Variants in GAB1 observed in about 807,000 individuals in gnomAD.
GAB1 encodes GRB2-associated-binding protein 1.
In GAB1, 19 loss-of-function variants were observed where a neutral mutation model predicts 66.5. The ratio of observed to expected loss-of-function variants is 0.29; its 90% CI spans 0.20 to 0.42. GAB1 has a LOEUF of 0.42. Among genes scored for constraint, GAB1 ranks in the 10% least tolerant of loss-of-function variants. The pLI is 1.00. For missense variants in GAB1, 732 were observed against 858.5 expected, an observed-to-expected ratio of 0.85 and a Z score of 1.84; for synonymous variants, 294 against 301.4, an observed-to-expected ratio of 0.98 and a Z score of 0.25.
chr4:143,352,832 G>A (rs1018791499), intron 1 of GAB1, among the ~76,000 whole-genome samples: 3 of 152,214 alleles, frequency 2.0e-5, no homozygotes, highest in Non-Finnish European at 4.4e-5. Context: ...CCTCTCTTCT[G>A]TGAGATGAAG....
At chr4:143,346,860 CT>C (rs561657352) in intron 1 of GAB1, among the ~76,000 whole-genome samples, 72 of 152,308 alleles carry the variant, frequency 4.7e-4, no homozygotes, top group African/African-American at 1.5e-3. Flanking sequence ...TCTGAGTAAT[CT>C]TTGCTGGGTA....
In GAB1 at chr4:143,342,016, C is replaced by T. The variant is rs192950014; in HGVS notation, c.72+4756C>T. Among the ~76,000 whole-genome samples, 4 of 152,352 alleles carry T rather than the reference C, an allele frequency of 2.6e-5. No homozygotes were observed. The East Asian group carries it at 7.7e-4, about 29-fold the overall frequency. On this transcript the variant is annotated intron_variant, in intron 1 of 9. Transcript: ENST00000262994. The stretch of plus-strand genomic sequence containing the variant: ...GAAGGAAATTTTTTCTTGCCATCCT[C>T]ATGTTAGTAAACATAATTCAGACTC...
intron 1 of GAB1, among the ~76,000 whole-genome samples, chr4:143,376,195 A>G (rs926730494): frequency 8.5e-5 from 13 of 152,200 alleles, no homozygotes; most frequent in African/African-American, 3.1e-4. Flanking sequence ...AATATAAAAA[A>G]GAAAAAAATA....
chr4:143,360,928 G>A (rs1186576105), intron 1 of GAB1, among the ~76,000 whole-genome samples: 2 of 152,146 alleles, frequency 1.3e-5, no homozygotes, highest in African/African-American at 4.8e-5. Flanking sequence ...AAAACAAAGT[G>A]TGAGTGCTTA....
At chr4:143,418,342 T>C (rs970086767) in intron 2 of GAB1, among the ~76,000 whole-genome samples, 1 of 152,200 alleles carries the variant, frequency 6.6e-6, no homozygotes, top group Admixed American at 6.5e-5. Context: ...TTAAAACCCT[T>C]TCCTGTTTGC....
At chr4:143,435,087 AT>A (rs199564225) in intron 3 of GAB1, among the ~76,000 whole-genome samples, 29 of 151,588 alleles carry the variant, frequency 1.9e-4, no homozygotes, top group African/African-American at 5.6e-4. Context: ...TTTATGACAG[AT>A]TTTTTTTTAA....
intron 6 of GAB1, chr4:143,457,595 CTTTTT>C: frequency 4.7e-4 from 138 of 294,194 alleles, no homozygotes; most frequent in Middle Eastern, 2.0e-3. Context: ...GGCTCTGTTG[CTTTTT>C]TTTTTTTTTT....
At chr4:143,431,942 G>GA (rs890565957) in intron 2 of GAB1, among the ~76,000 whole-genome samples, 44 of 144,544 alleles carry the variant, frequency 3.0e-4, no homozygotes, top group African/African-American at 5.6e-4. Context: ...TCTGAAAAAA[G>GA]AAAAAAAAAA....
intron 2 of GAB1, chr4:143,426,139 G>A: frequency 2.4e-6 from 1 of 425,268 alleles, no homozygotes; most frequent in Non-Finnish European, 4.2e-6. Flanking sequence ...ACTCAGGCCA[G>A]ATTCTCTAAC....
chr4:143,468,208 C>CTTTTTTTT (rs780138131), intron 9 of GAB1, among the ~76,000 whole-genome samples: 3 of 70,064 alleles, frequency 4.3e-5, no homozygotes, highest in African/African-American at 1.1e-4. Flanking sequence ...AGTTTGAATT[C>CTTTTTTTT]TTTTTTTTTT....
intron 2 of GAB1, among the ~76,000 whole-genome samples, chr4:143,426,854 G>A (rs1200945259): frequency 3.3e-5 from 5 of 152,310 alleles, no homozygotes; most frequent in East Asian, 1.9e-4. Flanking sequence ...ATTATCAAAA[G>A]CATGTGGATT....
At chr4:143,366,797 A>G (rs1729898276) in intron 1 of GAB1, among the ~76,000 whole-genome samples, 8 of 152,116 alleles carry the variant, frequency 5.3e-5, no homozygotes, top group Admixed American at 5.2e-4. Flanking sequence ...GAAAATTTTC[A>G]ATTTGAAAAA....
rs115163584 is a variant in GAB1, at chr4:143,359,649, G to C, written c.72+22389G>C. Among the ~76,000 whole-genome samples, 528 of 152,318 alleles carry C rather than the reference G, an allele frequency of 3.5e-3. 4 individuals are homozygous for C. The highest frequency in any genetic ancestry group is 0.012 in the African/African-American group (502 of 41,564). On this transcript the variant is annotated intron_variant, in intron 1 of 9. Transcript: ENST00000262994. The stretch of plus-strand genomic sequence containing the variant: ...TGTAAGGCTGTGTGCCCTGGTCATT[G>C]TTGAGTATGTCCTTTTCATATTCAT...
chr4:143,443,545 A>C (rs1262778654), intron 6 of GAB1, among the ~76,000 whole-genome samples: 1 of 152,192 alleles, frequency 6.6e-6, no homozygotes, highest in African/African-American at 2.4e-5. Context: ...TTGGTCCTAT[A>C]ATTTTTCTCA....
At chr4:143,425,318 T>C (rs1733280340) in intron 2 of GAB1, 1 of 803,432 alleles carries the variant, frequency 1.2e-6, no homozygotes, top group Non-Finnish European at 2.2e-6. Context: ...TGCTGAAGTT[T>C]GCTGCTGCCA....
chr4:143,402,952 A>G (rs537896598), intron 1 of GAB1, among the ~76,000 whole-genome samples: 2 of 152,300 alleles, frequency 1.3e-5, no homozygotes, highest in East Asian at 3.9e-4. Flanking sequence ...GGCAAGTCAG[A>G]CACAGTCGGT....
At chr4:143,459,226 C>T (rs995803885) in intron 6 of GAB1, among the ~76,000 whole-genome samples, 159 bp from the exon 7 acceptor site, 1 of 152,040 alleles carries the variant, frequency 6.6e-6, no homozygotes, top group African/African-American at 2.4e-5. Context: ...TAACCTTGGG[C>T]AAATCATGTA....
chr4:143,363,912 A>G (rs1729765064), intron 1 of GAB1, among the ~76,000 whole-genome samples: 1 of 152,110 alleles, frequency 6.6e-6, no homozygotes, highest in African/African-American at 2.4e-5. Context: ...AATGACTTAA[A>G]TTCGTGCTGG....
chr4:143,424,905 A>C, intron 2 of GAB1: 2 of 521,404 alleles, frequency 3.8e-6, no homozygotes, highest in Non-Finnish European at 6.9e-6. Flanking sequence ...CAGTGAGCCA[A>C]GATTGTTTCA....
Sources: allele counts gnomAD v4.1 joint callset (sites outside exome capture counted in the v4.1 genomes callset), GRCh38; gene constraint gnomAD v4.1.1; transcripts MANE v1.5; gene names NCBI Gene and HGNC (gene_info 2026-07-23, HGNC 2026-07-21).